The following GLT8D2 variants were observed in gnomAD, a reference collection of about 807,000 sequenced individuals.
The protein encoded by GLT8D2 is glycosyltransferase 8 domain-containing protein 2.
In GLT8D2, 45 loss-of-function variants were observed where a neutral mutation model predicts 44.5. That is an observed-to-expected ratio of 1.01 (90% confidence interval 0.80 to 1.30). The LOEUF (loss-of-function observed/expected upper bound fraction) is 1.30. GLT8D2 is among the 50% of genes most tolerant of loss of function. The probability of loss-of-function intolerance (pLI) is 0.00; values close to 1 mark genes in which losing one functional copy is unlikely to be tolerated. For synonymous variants in GLT8D2, 156 were observed against 157.2 expected, an observed-to-expected ratio of 0.99 and a Z score of 0.06; for missense variants, 400 against 430.4, an observed-to-expected ratio of 0.93 and a Z score of 0.62.
At chr12:104,005,501 G>T (rs1874866090) in intron 4 of GLT8D2, among the ~76,000 whole-genome samples, 1 of 152,016 alleles carries the variant, frequency 6.6e-6, no homozygotes, top group South Asian at 2.1e-4. Flanking sequence ...AGGGCTAATA[G>T]CCAGAATCGA....
intron 1 of GLT8D2, among the ~76,000 whole-genome samples, chr12:104,047,254 C>T (rs961134775): frequency 1.3e-5 from 2 of 150,740 alleles, no homozygotes; most frequent in Non-Finnish European, 1.5e-5. Context: ...ATAGATAGCA[C>T]GTTCTAGCTG....
At chr12:104,004,221 G>A (rs1252522179) in intron 4 of GLT8D2, among the ~76,000 whole-genome samples, 1 of 152,062 alleles carries the variant, frequency 6.6e-6, no homozygotes, top group African/African-American at 2.4e-5. Flanking sequence ...GCATTGATGG[G>A]ACGTATCTCA....
In GLT8D2 at chr12:104,021,924, GAAGAAGAAGAAGAA is replaced by G. The variant is rs1877775240; in HGVS notation, c.-163-447_-163-434del. On this transcript the variant is annotated intron_variant, in intron 1 of 10. Transcript: ENST00000360814. Reference sequence around the variant, plus strand: ...AGAAGAAGAAGAAGAAGAAGAAGAAGAAGAAGAAGAAGAAGAAGAAGAAGAAGAAGAGGAAGAAG... The same window carrying G: ...AGAAGAAGAAGAAGAAGAAGAAGAAGGAAGAAGAAGAAGAAGAGGAAGAAG... 1.2e-3 allele frequency among the ~76,000 whole-genome samples: 32 copies of G among 27,282 alleles called. 2 individuals are homozygous for G. The highest frequency in any genetic ancestry group is 3.2e-3 in the Admixed American group (6 of 1,900). 17.9% of individuals were successfully genotyped at this position (27,282 alleles called of 152,430 possible). A position where few individuals can be genotyped will look rare whatever the true frequency, so the allele number is the denominator to read the frequency against.
chr12:104,033,806 GTA>G (rs34091331), intron 1 of GLT8D2, among the ~76,000 whole-genome samples: 117,721 of 145,764 alleles, frequency 0.81, 47,579 homozygotes, highest in African/African-American at 0.85. Flanking sequence ...GTGTGTGTGT[GTA>G]TATATATATA....
Position 104,045,792 on chromosome 12 carries a change from C to T in GLT8D2, c.-164+4103G>A, listed in dbSNP as rs540913224. Among the ~76,000 whole-genome samples, 29 of 151,774 alleles carry T rather than the reference C, an allele frequency of 1.9e-4. No individual in the cohort carries two copies. The South Asian group carries it at 6.0e-3, about 32-fold the overall frequency. On this transcript the variant is annotated intron_variant, in intron 1 of 10. Coordinates refer to ENST00000360814, the MANE Select transcript of GLT8D2 (RefSeq NM_001384711.1). ...TGCCCCTGTGTTTCATTTTACATGC[C>T]AGCTCTGATTGGCTATGGTATGGGC...
intron 1 of GLT8D2, chr12:104,031,491 C>T (rs1470716898): frequency 2.5e-6 from 4 of 1,613,110 alleles, no homozygotes; most frequent in African/African-American, 2.7e-5. Context: ...GATGAGGAGA[C>T]GGTGCGCAAA....
At chr12:103,993,005 T>A (rs1872957570) in intron 10 of GLT8D2, among the ~76,000 whole-genome samples, 1 of 152,164 alleles carries the variant, frequency 6.6e-6, no homozygotes, top group Non-Finnish European at 1.5e-5. Flanking sequence ...TGTAGCACCC[T>A]CTCCTCGCTA....
At chr12:104,019,775 C>T (rs983094347) in intron 2 of GLT8D2, 99 bp from the exon 3 acceptor site, 5 of 694,020 alleles carry the variant, frequency 7.2e-6, no homozygotes, top group African/African-American at 1.8e-5. Flanking sequence ...ACTGATATAT[C>T]GTGAAGTGTG....
At chr12:103,993,816 C>A (rs961479230) in intron 9 of GLT8D2, 2 of 235,622 alleles carry the variant, frequency 8.5e-6, no homozygotes, top group Non-Finnish European at 1.6e-5. Context: ...ACTTTACTTG[C>A]AAATTCAAGG....
intron 4 of GLT8D2, among the ~76,000 whole-genome samples, chr12:104,007,029 G>A (rs1220886234): frequency 1.3e-5 from 2 of 152,106 alleles, no homozygotes; most frequent in South Asian, 2.1e-4. Flanking sequence ...GACAGCAAGA[G>A]GAAGGAGGTA....
chr12:104,038,419 C>T (rs1303165205), intron 1 of GLT8D2, among the ~76,000 whole-genome samples: 1 of 152,174 alleles, frequency 6.6e-6, no homozygotes, highest in East Asian at 1.9e-4. Context: ...CCATAATCTC[C>T]TTAAGCTGAT....
chr12:104,014,242 C>T (rs1408145286), intron 4 of GLT8D2: 1 of 696,538 alleles, frequency 1.4e-6, no homozygotes, highest in East Asian at 2.7e-5. Flanking sequence ...GTAGTTCCAA[C>T]TTCCTGGGGT....
At chr12:104,035,572 A>G (rs1879841103) in intron 1 of GLT8D2, among the ~76,000 whole-genome samples, 1 of 152,230 alleles carries the variant, frequency 6.6e-6, no homozygotes, top group Admixed American at 6.5e-5. Context: ...GGTATCAGCA[A>G]TTGGAGATCA....
At chr12:103,997,644 T>C (rs1030649211) in intron 6 of GLT8D2, 109 bp from the exon 7 acceptor site, 8 of 755,680 alleles carry the variant, frequency 1.1e-5, no homozygotes, top group Non-Finnish European at 1.9e-5. Flanking sequence ...AGCTCCAGGT[T>C]TGGAGCGGAA....
intron 4 of GLT8D2, chr12:104,014,180 A>T (rs1418550764): frequency 3.1e-6 from 2 of 639,692 alleles, no homozygotes; most frequent in Non-Finnish European, 2.8e-6. Flanking sequence ...CCTGAGCAGC[A>T]TGGCAAAACC....
In GLT8D2 at chr12:104,023,673, C is replaced by T. The variant is rs188799979; in HGVS notation, c.-163-2182G>A. On this transcript the variant is annotated intron_variant, in intron 1 of 10. Transcript: ENST00000360814. ...CAACACTCAAAGAATTCCCTTGCAC[C>T]GCCACTTTGTAGTCAGGCCCTGCCC... 2.3e-3 allele frequency among the ~76,000 whole-genome samples: 346 copies of T among 152,298 alleles called. 3 individuals carry two copies. Among genetic ancestry groups the T allele is most frequent in the African/African-American group, 8.1e-3 (336 of 41,568 alleles).
intron 1 of GLT8D2, among the ~76,000 whole-genome samples, chr12:104,037,353 C>CA (rs1167636848): frequency 2.4e-4 from 37 of 152,052 alleles, no homozygotes; most frequent in Admixed American, 1.0e-3. Flanking sequence ...AAAAACCCTT[C>CA]AAAAAATCAA....
At chr12:104,014,432 T>C (rs1431250231) in intron 4 of GLT8D2, 3 of 597,626 alleles carry the variant, frequency 5.0e-6, no homozygotes, top group Non-Finnish European at 9.0e-6. Context: ...TGTGTGTGCA[T>C]TGGAGTTTTG....
In GLT8D2 at chr12:104,034,594, G is replaced by A. The variant is rs193031861; in HGVS notation, c.-163-13103C>T. 5.0e-3 allele frequency among the ~76,000 whole-genome samples: 760 copies of A among 152,374 alleles called. 4 individuals carry two copies. The highest frequency in any genetic ancestry group is 0.01 in the Middle Eastern group (3 of 294). ...GCAGCAGCCTGGCAGGTGGAAGGGC[G>A]TCCACCATTGCTGAGGTTTGAGTGG... On this transcript the variant is annotated intron_variant, in intron 1 of 10. Transcript: ENST00000360814.
Sources: allele counts gnomAD v4.1 joint callset (sites outside exome capture counted in the v4.1 genomes callset), GRCh38; gene constraint gnomAD v4.1.1; transcripts MANE v1.5; gene names NCBI Gene and HGNC (gene_info 2026-07-23, HGNC 2026-07-21).